SUMF1: variants seen among roughly 807,000 people sequenced by gnomAD.
SUMF1 encodes the protein sulfatase modifying factor 1.
In SUMF1, 48 loss-of-function variants were observed where a neutral mutation model predicts 47.6. The observed-to-expected ratio is 1.01, with a 90% CI of 0.80 to 1.28. SUMF1 has a LOEUF of 1.28. Among genes scored for constraint, SUMF1 ranks in the 50% most tolerant of loss-of-function variants. The probability of loss-of-function intolerance (pLI) is 0.00; values close to 1 mark genes in which losing one functional copy is unlikely to be tolerated. For synonymous variants in SUMF1, 230 were observed against 192.1 expected (o/e 1.20, Z -1.63); for missense variants, 571 against 485.4 (o/e 1.18, Z -1.66).
rs185191869 is a variant in SUMF1 at position 4,180,481 on chromosome 3, G to T, written c.1015-111736C>A. Among the ~76,000 whole-genome samples the T allele has an allele frequency of 2.0e-4, 31 of 152,010 alleles. No homozygotes were observed. The East Asian group carries it at 5.8e-3, about 28-fold the overall frequency. On this transcript the variant is annotated intron_variant and NMD_transcript_variant, in intron 8 of 12. Coordinates refer to the SUMF1 transcript ENST00000448413. The stretch of plus-strand genomic sequence containing the variant: ...CACCACATGTTCTCACTCATAGGTG[G>T]GAATTGAACAATGAGATCACTTGGA...
chr3:4,145,004 C>T (rs1168880446), intron 8 of SUMF1, among the ~76,000 whole-genome samples: 1 of 151,910 alleles, frequency 6.6e-6, no homozygotes, highest in Non-Finnish European at 1.5e-5. Context: ...TTGAGACCAT[C>T]CTGGCTAACA....
chr3:4,052,587 G>A (rs181140957), intron 9 of SUMF1, among the ~76,000 whole-genome samples: 11 of 152,128 alleles, frequency 7.2e-5, no homozygotes, highest in East Asian at 5.8e-4. Flanking sequence ...CAATATTCCC[G>A]GACTATGTGC....
At chr3:4,245,209 G>T (rs1356923214) in intron 8 of SUMF1, among the ~76,000 whole-genome samples, 1 of 152,036 alleles carries the variant, frequency 6.6e-6, no homozygotes, top group African/African-American at 2.4e-5. Flanking sequence ...GGAGAAGTTT[G>T]TTATTACTGA....
chr3:4,292,283 C>T (rs1697755924), intron 8 of SUMF1, among the ~76,000 whole-genome samples: 1 of 152,138 alleles, frequency 6.6e-6, no homozygotes, highest in Admixed American at 6.6e-5. Context: ...TAGGCTAAAA[C>T]GAATAGCATG....
At chr3:4,318,630 G>A (rs972007892) in intron 8 of SUMF1, among the ~76,000 whole-genome samples, 6 of 152,308 alleles carry the variant, frequency 3.9e-5, no homozygotes, top group East Asian at 1.9e-4. Context: ...ACTCAGGGCC[G>A]GGTTCAGTGG....
At chr3:4,291,695 T>C (rs527770635) in intron 8 of SUMF1, among the ~76,000 whole-genome samples, 1 of 152,238 alleles carries the variant, frequency 6.6e-6, no homozygotes, top group Non-Finnish European at 1.5e-5. Context: ...AAAGACGAAA[T>C]TAAGTTTCCA....
chr3:4,110,988 TATA>T (rs1268546125), intron 8 of SUMF1, among the ~76,000 whole-genome samples: 3 of 148,464 alleles, frequency 2.0e-5, no homozygotes, highest in Non-Finnish European at 3.0e-5. Flanking sequence ...TAACTTAAAG[TATA>T]ATAATAAAAA....
chr3:4,390,741 C>T (rs796768334), intron 7 of SUMF1, among the ~76,000 whole-genome samples: 2 of 152,076 alleles, frequency 1.3e-5, no homozygotes, highest in African/African-American at 2.4e-5. Flanking sequence ...TACCATGATA[C>T]CTGGCTAATT....
At chr3:4,122,865 A>C (rs755599509) in intron 8 of SUMF1, among the ~76,000 whole-genome samples, 4 of 152,208 alleles carry the variant, frequency 2.6e-5, no homozygotes, top group Non-Finnish European at 5.9e-5. Flanking sequence ...TGGAGGAAGC[A>C]GTCCACAGGG....
chr3:4,291,112 C>G (rs571873954), intron 8 of SUMF1, among the ~76,000 whole-genome samples: 1 of 151,972 alleles, frequency 6.6e-6, no homozygotes, highest in African/African-American at 2.4e-5. Context: ...AGTATGTGTC[C>G]GCCAAATATT....
intron 8 of SUMF1, among the ~76,000 whole-genome samples, chr3:4,200,373 C>T (rs568392807): frequency 2.6e-5 from 4 of 151,976 alleles, no homozygotes; most frequent in African/African-American, 7.2e-5. Flanking sequence ...AGGGCACTCC[C>T]CACTCTGCTG....
At chr3:4,330,025 T>C (rs1699019137) in intron 8 of SUMF1, among the ~76,000 whole-genome samples, 1 of 152,222 alleles carries the variant, frequency 6.6e-6, no homozygotes, top group African/African-American at 2.4e-5. Context: ...GTCTCTTTGC[T>C]AATGTGTAAC....
chr3:4,443,195 T>C (rs1702664194), intron 3 of SUMF1, among the ~76,000 whole-genome samples: 1 of 152,100 alleles, frequency 6.6e-6, no homozygotes, highest in Non-Finnish European at 1.5e-5. Flanking sequence ...GGAGAATTGC[T>C]TGAGCCCAGT....
At chr3:4,203,919 CTA>C (rs1695594557) in intron 8 of SUMF1, among the ~76,000 whole-genome samples, 1 of 151,728 alleles carries the variant, frequency 6.6e-6, no homozygotes, top group Non-Finnish European at 1.5e-5. Context: ...TTTGATATCT[CTA>C]TCTTATACTT....
intron 1 of SUMF1, among the ~76,000 whole-genome samples, chr3:4,458,006 T>A (rs1271214717): frequency 6.6e-6 from 1 of 152,086 alleles, no homozygotes; most frequent in East Asian, 1.9e-4. Flanking sequence ...GAGTTAATAT[T>A]CAAAATATAT....
chr3:4,340,122 CACAA>C (rs1699240571), intron 8 of SUMF1, among the ~76,000 whole-genome samples: 1 of 151,928 alleles, frequency 6.6e-6, no homozygotes, highest in Admixed American at 6.6e-5. Context: ...CACACACACA[CACAA>C]ACACACACAC....
chr3:4,051,853 AC>A lies in SUMF1; in HGVS notation c.1191+16715del, dbSNP rs1201766475. Among the ~76,000 whole-genome samples the A allele has an allele frequency of 7.9e-5, 12 of 152,092 alleles. No individual in the cohort carries two copies. The East Asian group carries it at 1.9e-3, about 24-fold the overall frequency. ...AGTTTGCTTTTCTTCCTTCTTTTCT[AC>A]CCCTGCAGCCTAAGTGGTAAACCGG... On this transcript the variant is annotated intron_variant and NMD_transcript_variant, in intron 9 of 12. Coordinates refer to the SUMF1 transcript ENST00000448413.
chr3:4,461,298 C>T (rs940185696), intron 1 of SUMF1, among the ~76,000 whole-genome samples: 1 of 152,058 alleles, frequency 6.6e-6, no homozygotes, highest in Non-Finnish European at 1.5e-5. Flanking sequence ...TAACCCAGTC[C>T]TAAAAGGAGA....
In SUMF1 at chr3:4,138,317, C is replaced by G. The variant is rs142122778; in HGVS notation, c.1015-69572G>C. The stretch of plus-strand genomic sequence containing the variant: ...AGGACTGACCTTTCACCTCAACTAT[C>G]AGAAGCTGATCTCTACATCTCTGGG... On this transcript the variant is annotated intron_variant and NMD_transcript_variant, in intron 8 of 12. Coordinates refer to the SUMF1 transcript ENST00000448413. Among the ~76,000 whole-genome samples the G allele has an allele frequency of 6.2e-3, 938 of 152,228 alleles. 13 individuals are homozygous for G. The highest frequency in any genetic ancestry group is 0.022 in the African/African-American group (901 of 41,526).
Sources: allele counts gnomAD v4.1 joint callset (sites outside exome capture counted in the v4.1 genomes callset), GRCh38; gene constraint gnomAD v4.1.1; transcripts MANE v1.5; gene names NCBI Gene and HGNC (gene_info 2026-07-23, HGNC 2026-07-21).